The following IGSF5 variants were observed in gnomAD, a reference collection of about 807,000 sequenced individuals.
IGSF5 encodes immunoglobulin superfamily member 5.
Under a neutral mutation model 39.4 loss-of-function variants are expected in IGSF5, and 41 were observed. The observed-to-expected ratio is 1.04, with a 90% CI of 0.81 to 1.35. The LOEUF is 1.35. Among genes scored for constraint, IGSF5 ranks in the 40% most tolerant of loss-of-function variants. The probability of loss-of-function intolerance (pLI) is 0.00; values close to 1 mark genes in which losing one functional copy is unlikely to be tolerated. For synonymous variants in IGSF5, 183 were observed against 175.3 expected (o/e 1.04, Z -0.34); for missense variants, 487 against 494.6 (o/e 0.98, Z 0.15).
At chr21:39,773,928 GC>G (rs2080127323) in intron 4 of IGSF5, among the ~76,000 whole-genome samples, 1 of 152,156 alleles carries the variant, frequency 6.6e-6, no homozygotes, top group Non-Finnish European at 1.5e-5. Flanking sequence ...AGACTGGCTT[GC>G]TTGCAAATGT....
At chr21:39,751,503 G>T (rs1471336888) in intron 2 of IGSF5, 1 of 152,100 alleles carries the variant, frequency 6.6e-6, no homozygotes, top group African/African-American at 2.4e-5. Flanking sequence ...AACTACAAGC[G>T]TGGGCTTCTC....
chr21:39,741,552 C>T (rs1350193354), upstream of IGSF5, among the ~76,000 whole-genome samples: 2 of 152,134 alleles, frequency 1.3e-5, no homozygotes, highest in Non-Finnish European at 2.9e-5. Context: ...GGTTTCTGAA[C>T]GGGCAGCTAA....
In IGSF5 at chr21:39,763,702, G is replaced by A. The variant is rs148510234; in HGVS notation, c.101-1833G>A. On this transcript the variant is annotated intron_variant, in intron 2 of 8. Transcript: ENST00000380588. ...ATCATCCCCACACTCACCCTGCTGG[G>A]CTCTGTCCACTTGACTGCCATTGAC... Among the ~76,000 whole-genome samples the A allele has an allele frequency of 1.5e-3, 222 of 152,260 alleles. 4 individuals carry two copies. The highest frequency in any genetic ancestry group is 5.9e-4 in the Non-Finnish European group (40 of 68,028).
chr21:39,714,764 C>T, the IGSF5 span, among the ~76,000 whole-genome samples: 1 of 152,208 alleles, frequency 6.6e-6, no homozygotes, highest in African/African-American at 2.4e-5. Flanking sequence ...TGGGTTAGGG[C>T]TCACCCTAGT....
intron 4 of IGSF5, among the ~76,000 whole-genome samples, chr21:39,772,861 C>A (rs368042256): frequency 2.6e-5 from 4 of 152,062 alleles, no homozygotes; most frequent in African/African-American, 4.8e-5. Context: ...AGGTGGCATA[C>A]CCTGAATTTA....
intron 5 of IGSF5, among the ~76,000 whole-genome samples, chr21:39,786,868 A>G (rs1481235219): frequency 1.3e-5 from 2 of 152,126 alleles, no homozygotes; most frequent in Non-Finnish European, 2.9e-5. Flanking sequence ...ACAAAAAACC[A>G]AACACTGTGT....
At chr21:39,716,136 C>G in the IGSF5 span, among the ~76,000 whole-genome samples, 1 of 152,146 alleles carries the variant, frequency 6.6e-6, no homozygotes, top group Admixed American at 6.5e-5. Context: ...TGTCTCAGTG[C>G]TTAGTTGCAC....
chr21:39,742,032 G>C (rs2079950801), upstream of IGSF5, among the ~76,000 whole-genome samples: 2 of 151,888 alleles, frequency 1.3e-5, no homozygotes, highest in African/African-American at 2.4e-5. Context: ...GGGTCTGAGG[G>C]GGTACTGCCT....
chr21:39,716,362 T>C, the IGSF5 span, among the ~76,000 whole-genome samples: 1 of 152,308 alleles, frequency 6.6e-6, no homozygotes, highest in Middle Eastern at 3.4e-3. Context: ...AAATTTATTT[T>C]AGGTTTGGGG....
rs750673207 is a variant in IGSF5 at position 39,765,769 on chromosome 21, A to T, written c.335A>T (p.Asn112Ile). ...TTCACCTCGGAGATGATCATCCACA[A>T]TGTGGAGCCCAGTGATTCGGGGAAC... ...GNFTSEMIIH[N>I]VEPSDSGNIR... The change falls in exon 3 of 9, where the codon AAT (asparagine) becomes ATT (isoleucine). Residue 112 changes from asparagine (N) to isoleucine (I), a missense_variant. Asn to Ile is a moderately radical substitution (Grantham distance 149). Transcript: ENST00000380588. 8.1e-6 allele frequency: 13 copies of T among 1,614,038 alleles called. No homozygotes were observed. In the South Asian group the frequency reaches 8.8e-5, roughly 11 times the overall value.
chr21:39,760,515 C>T (rs575289656), intron 2 of IGSF5, among the ~76,000 whole-genome samples: 3 of 151,588 alleles, frequency 2.0e-5, no homozygotes, highest in African/African-American at 7.3e-5. Flanking sequence ...GTCTGGTGAT[C>T]GGAGGGTGAA....
At chr21:39,796,873 C>A (rs1410615556) in intron 8 of IGSF5, among the ~76,000 whole-genome samples, 7 of 152,186 alleles carry the variant, frequency 4.6e-5, no homozygotes, top group Admixed American at 4.6e-4. Flanking sequence ...CATGGAGATG[C>A]GGCAGGCACA....
chr21:39,788,233 A>T (rs1189308284), intron 6 of IGSF5, 45 bp downstream of exon 6: 4 of 1,400,024 alleles, frequency 2.9e-6, no homozygotes, highest in Non-Finnish European at 2.0e-6. Flanking sequence ...AAACAAAAAA[A>T]ATTGAACAAC....
the IGSF5 span, among the ~76,000 whole-genome samples, chr21:39,722,963 T>C: frequency 6.6e-6 from 1 of 152,238 alleles, no homozygotes; most frequent in Non-Finnish European, 1.5e-5. Context: ...TAGATAGTAT[T>C]ATTAACCTTG....
chr21:39,790,266 A>G (rs2086956098), intron 6 of IGSF5, among the ~76,000 whole-genome samples: 1 of 152,202 alleles, frequency 6.6e-6, no homozygotes, highest in Admixed American at 6.5e-5. Flanking sequence ...TCAGTGGCTC[A>G]TTATTATGTA....
At chr21:39,757,301 A>C (rs1203465001) in intron 2 of IGSF5, among the ~76,000 whole-genome samples, 3 of 144,942 alleles carry the variant, frequency 2.1e-5, no homozygotes, top group East Asian at 2.1e-4. Flanking sequence ...ATGTGAGCTC[A>C]TGAGGGCAGG....
chr21:39,787,590 C>T (rs1284885135), intron 5 of IGSF5, among the ~76,000 whole-genome samples: 2 of 126,598 alleles, frequency 1.6e-5, no homozygotes, highest in African/African-American at 3.0e-5. Flanking sequence ...GGGGGCACAA[C>T]TGTATCAATT....
At chr21:39,758,309 C>T (rs879795059) in intron 2 of IGSF5, among the ~76,000 whole-genome samples, 57 of 152,114 alleles carry the variant, frequency 3.7e-4, no homozygotes, top group Non-Finnish European at 8.2e-4. Flanking sequence ...TGCATTGACT[C>T]GACTCCCAGA....
At chr21:39,758,398 C>A (rs2080043706) in intron 2 of IGSF5, among the ~76,000 whole-genome samples, 1 of 152,194 alleles carries the variant, frequency 6.6e-6, no homozygotes, top group African/African-American at 2.4e-5. Flanking sequence ...TAGGTTCCTT[C>A]CCACAAGTTG....
Sources: allele counts gnomAD v4.1 joint callset (sites outside exome capture counted in the v4.1 genomes callset), GRCh38; gene constraint gnomAD v4.1.1; transcripts MANE v1.5; gene names NCBI Gene and HGNC (gene_info 2026-07-23, HGNC 2026-07-21).